RASEF: variants seen among roughly 807,000 people sequenced by gnomAD.
The protein encoded by RASEF is ras and EF-hand domain-containing protein.
RASEF carries 68 observed loss-of-function variants against 90.1 expected under a neutral mutation model. The ratio of observed to expected loss-of-function variants is 0.75; its 90% CI spans 0.62 to 0.92. The LOEUF is 0.92. RASEF is among the 40% of genes least tolerant of loss of function. The probability of loss-of-function intolerance (pLI) is 0.00; values close to 1 mark genes in which losing one functional copy is unlikely to be tolerated. For synonymous variants in RASEF, 331 were observed against 345.2 expected (o/e 0.96, Z 0.46); for missense variants, 949 against 937.2 (o/e 1.01, Z -0.16).
the RASEF span, among the ~76,000 whole-genome samples, chr9:83,110,361 T>C: frequency 2.0e-5 from 3 of 151,940 alleles, no homozygotes; most frequent in African/African-American, 7.3e-5. Flanking sequence ...CCCTTCAGAG[T>C]ATACCAATAA....
At chr9:83,099,456 C>T in the RASEF span, among the ~76,000 whole-genome samples, 1 of 152,190 alleles carries the variant, frequency 6.6e-6, no homozygotes. Flanking sequence ...TTCTCATATA[C>T]TCAGGTGATC....
intron 7 of RASEF, among the ~76,000 whole-genome samples, chr9:83,007,176 A>C (rs1273980862): frequency 6.6e-6 from 1 of 152,028 alleles, no homozygotes; most frequent in East Asian, 1.9e-4. Context: ...AGGCATAATA[A>C]AGACACACTG....
At position 82,982,498 on chromosome 9, in the gene RASEF, G is replaced by C; in HGVS notation, c.*179C>G. 1.9e-6 allele frequency: 1 copy of C among 537,766 alleles called. No individual in the cohort carries two copies. Among genetic ancestry groups the C allele is most frequent in the Admixed American group, 3.1e-5 (1 of 32,466 alleles). The allele number at this position is 537,766 out of a possible 1,614,324, so 33.3% of individuals were successfully genotyped here. Reference sequence around the variant, plus strand: ...CCAGAGGGCCCAAATCACTCACTGAGACAAAACAAAGAAGAGCCAAAGTTC... The same window carrying C: ...CCAGAGGGCCCAAATCACTCACTGACACAAAACAAAGAAGAGCCAAAGTTC... On this transcript the variant is annotated 3_prime_UTR_variant, in exon 17 of 17. Transcript: ENST00000376447.
the RASEF span, among the ~76,000 whole-genome samples, chr9:83,092,145 G>C: frequency 3.3e-5 from 5 of 151,178 alleles, no homozygotes; most frequent in African/African-American, 4.9e-5. Flanking sequence ...GATGGAGAGG[G>C]ATATTTTTGA....
At chr9:83,196,893 T>C in the RASEF span, among the ~76,000 whole-genome samples, 3 of 152,230 alleles carry the variant, frequency 2.0e-5, no homozygotes, top group African/African-American at 7.2e-5. Flanking sequence ...GTCAGAACCA[T>C]TAAATCTTTA....
chr9:83,164,006 A>AC, the RASEF span, among the ~76,000 whole-genome samples: 54 of 151,170 alleles, frequency 3.6e-4, no homozygotes, highest in African/African-American at 1.3e-3. Context: ...GAAAAAAAAA[A>AC]AACCCTACCA....
At chr9:83,165,191 C>G in the RASEF span, among the ~76,000 whole-genome samples, 1 of 152,050 alleles carries the variant, frequency 6.6e-6, no homozygotes, top group African/African-American at 2.4e-5. Context: ...CACTTAACAA[C>G]AGCAGAATAC....
At chr9:83,129,082 CTA>C in the RASEF span, among the ~76,000 whole-genome samples, 1 of 152,164 alleles carries the variant, frequency 6.6e-6, no homozygotes, top group Non-Finnish European at 1.5e-5. Flanking sequence ...CTGACATAAA[CTA>C]TATACTCCTT....
the RASEF span, among the ~76,000 whole-genome samples, chr9:83,122,088 T>A: frequency 6.6e-6 from 1 of 152,148 alleles, no homozygotes. Context: ...ATTATTGAAT[T>A]GGGGGAAGGG....
At chr9:83,153,523 C>A in the RASEF span, among the ~76,000 whole-genome samples, 1 of 152,102 alleles carries the variant, frequency 6.6e-6, no homozygotes, top group African/African-American at 2.4e-5. Flanking sequence ...TTATCTGAGC[C>A]CCTTTTCCTT....
rs761415285 is a variant in RASEF, at chr9:83,000,476, A to G, written c.1532T>C (p.Ile511Thr). ...KPQGSVSEGSIVSSSRKPISA... is the reference protein window; with the variant it reads ...KPQGSVSEGSTVSSSRKPISA... ...GATGGGCTTTCTTGATGAACTAACAATGCTGCCTTCACTAACAGACCCTTG... is the reference window on the plus strand; with the variant it reads ...GATGGGCTTTCTTGATGAACTAACAGTGCTGCCTTCACTAACAGACCCTTG... Residue 511 changes from isoleucine to threonine, a missense_variant, in exon 11 of 17, where the codon ATT becomes ACT. Transcript: ENST00000376447. 1.2e-6 allele frequency: 2 copies of G among 1,613,988 alleles called. No homozygotes were observed. Among genetic ancestry groups the G allele is most frequent in the African/African-American group, 1.3e-5 (1 of 74,900 alleles).
At chr9:83,053,697 C>A (rs1830058457) in intron 1 of RASEF, among the ~76,000 whole-genome samples, 1 of 147,222 alleles carries the variant, frequency 6.8e-6, no homozygotes, top group Non-Finnish European at 1.5e-5. Flanking sequence ...TGATCCTTTC[C>A]ATGTTTAGCA....
chr9:83,179,271 A>T, the RASEF span, among the ~76,000 whole-genome samples: 1 of 152,122 alleles, frequency 6.6e-6, no homozygotes, highest in Admixed American at 6.5e-5. Flanking sequence ...GCATTAGTAC[A>T]CCTACCATAC....
At chr9:83,156,743 C>T in the RASEF span, among the ~76,000 whole-genome samples, 1 of 152,112 alleles carries the variant, frequency 6.6e-6, no homozygotes, top group Non-Finnish European at 1.5e-5. Flanking sequence ...CAGCAGCAAC[C>T]CATCTGATAG....
At chr9:83,164,407 T>C in the RASEF span, among the ~76,000 whole-genome samples, 1 of 145,888 alleles carries the variant, frequency 6.9e-6, no homozygotes, top group Non-Finnish European at 1.5e-5. Context: ...ACAGCAATGA[T>C]ATAAGGGATG....
At chr9:83,049,369 A>T in intron 1 of RASEF, 1 of 982,062 alleles carries the variant, frequency 1.0e-6, no homozygotes. Flanking sequence ...TCCGTGCGGG[A>T]CTGGCTCATA....
chr9:83,036,583 GCAA>G (rs1315574921), intron 1 of RASEF, among the ~76,000 whole-genome samples: 1 of 152,148 alleles, frequency 6.6e-6, no homozygotes, highest in African/African-American at 2.4e-5. Flanking sequence ...TCTTCTGGCA[GCAA>G]CAACCTCGAA....
chr9:83,100,177 A>C, the RASEF span, among the ~76,000 whole-genome samples: 5 of 152,206 alleles, frequency 3.3e-5, no homozygotes, highest in African/African-American at 9.6e-5. Context: ...AAATATATCT[A>C]AATACATTAT....
chr9:83,104,901 G>A, the RASEF span, among the ~76,000 whole-genome samples: 51 of 152,262 alleles, frequency 3.3e-4, no homozygotes, highest in African/African-American at 1.2e-3. Flanking sequence ...CAATACCAGG[G>A]CCAGTGTGCT....
Sources: gnomAD v4.1 joint callset for allele counts (sites outside exome capture counted in the v4.1 genomes callset) on GRCh38, gnomAD v4.1.1 for gene constraint, MANE v1.5 for transcripts, NCBI Gene and HGNC (gene_info 2026-07-23, HGNC 2026-07-21) for gene names.